NANS: variants seen among roughly 807,000 people sequenced by gnomAD.
The protein encoded by NANS is N-acetylneuraminate-9-phosphate synthase.
Under a neutral mutation model 33.3 loss-of-function variants are expected in NANS, and 29 were observed. The observed-to-expected ratio is 0.87, with a 90% CI of 0.65 to 1.19. NANS has a LOEUF of 1.19. Ranked by LOEUF, NANS falls within the 50% of genes most tolerant of loss-of-function variation. The probability of loss-of-function intolerance (pLI) is 0.00; values close to 1 mark genes in which losing one functional copy is unlikely to be tolerated. For synonymous variants in NANS, 163 were observed against 177.2 expected (o/e 0.92, Z 0.64); for missense variants, 394 against 461.1 (o/e 0.85, Z 1.33).
At position 98,077,009 on chromosome 9, in the gene NANS, C is replaced by G. The variant is rs771001954; in HGVS notation, c.440C>G (p.Ala147Gly). Residue 147 changes from alanine (A) to glycine (G), a missense_variant, in exon 3 of 6, where the codon GCC becomes GGC. Ala to Gly is a moderately conservative substitution (Grantham distance 60, BLOSUM62 0). Transcript: ENST00000210444. ...TNNFPYLEKT[A>G]KKGRPMVISS... ...AATTTTCCTTATCTGGAAAAGACAG[C>G]CAAAAAAGGTAAGTGTCTAATTTTT... 7 of 1,600,234 alleles carry G rather than the reference C, an allele frequency of 4.4e-6. No homozygotes were observed. The highest frequency in any genetic ancestry group is 5.1e-6 in the Non-Finnish European group (6 of 1,173,836).
chr9:98,073,237 T>C (rs1031889310), intron 2 of NANS, among the ~76,000 whole-genome samples: 1 of 142,342 alleles, frequency 7.0e-6, no homozygotes, highest in African/African-American at 2.6e-5. Flanking sequence ...ACCCTTCCCC[T>C]GACTCCCTGT....
At position 98,060,722 on chromosome 9, in the gene NANS, T is replaced by C; in HGVS notation, c.133-60T>C. 5.9e-6 allele frequency: 9 copies of C among 1,514,188 alleles called. 2 individuals carry two copies. The South Asian group carries it at 1.0e-4, about 17-fold the overall frequency. The allele number at this position is 1,514,188 out of a possible 1,614,324, so 93.8% of individuals were successfully genotyped here. A position where few individuals can be genotyped will look rare whatever the true frequency, so the allele number is the denominator to read the frequency against. On this transcript the variant is annotated intron_variant, in intron 1 of 5. Transcript: ENST00000210444. ...GATGTCATAGTGGTTGCTCCAGAAT[T>C]TTTTCCTTTTTTTGAGAATCTACGA...
intron 5 of NANS, among the ~76,000 whole-genome samples, chr9:98,082,447 A>C (rs1188364252): frequency 1.3e-5 from 2 of 152,204 alleles, no homozygotes; most frequent in Non-Finnish European, 2.9e-5. Flanking sequence ...CAAAAGAATC[A>C]GAGTTTGCAT....
In NANS at chr9:98,082,909, C is replaced by T. The variant is rs774880374; in HGVS notation, c.934C>T (p.Leu312Phe). Residue 312 changes from leucine (L) to phenylalanine (F), a missense_variant, in exon 6 of 6, where the codon CTC becomes TTC. Coordinates refer to ENST00000210444, the MANE Select transcript of NANS (RefSeq NM_018946.4). ...AGGCACCATTCTAACAATGGACATG[C>T]TCACCGTGAAGGTGGGTGAGCCCAA... ...PEGTILTMDM[L>F]TVKVGEPKGY... 4 of 1,614,180 alleles carry T rather than the reference C, an allele frequency of 2.5e-6. No homozygotes were observed. In the Admixed American group the frequency reaches 5.0e-5, roughly 20 times the overall value.
At chr9:98,071,831 T>G (rs1381566098) in intron 2 of NANS, among the ~76,000 whole-genome samples, 1 of 152,186 alleles carries the variant, frequency 6.6e-6, no homozygotes, top group African/African-American at 2.4e-5. Flanking sequence ...TCCGTCCACG[T>G]TTCCTGGAAA....
intron 4 of NANS, among the ~76,000 whole-genome samples, chr9:98,079,200 G>A (rs765443305): frequency 1.3e-5 from 2 of 152,184 alleles, no homozygotes; most frequent in Non-Finnish European, 2.9e-5. Flanking sequence ...TAGAACCTGG[G>A]CATGTCCCCC....
chr9:98,076,945 A>G lies in NANS; in HGVS notation c.376A>G (p.Asn126Asp). The change falls in exon 3 of 6, where the codon AAT (asparagine) becomes GAT (aspartate). Residue 126 changes from asparagine (N) to aspartate (D), a missense_variant. Transcript: ENST00000210444. ...EMAVEFLHEL[N>D]VPFFKVGSGD... is the part of the protein sequence containing the mutation. ...GGCAGTTGAATTCCTGCATGAACTG[A>G]ATGTTCCATTTTTCAAAGTTGGATC... The G allele has an allele frequency of 6.2e-7, 1 of 1,612,344 alleles. No individual in the cohort carries two copies. Among genetic ancestry groups the G allele is most frequent in the Non-Finnish European group, 8.5e-7 (1 of 1,179,512 alleles).
Position 98,078,310 on chromosome 9 carries a change from C to T in NANS, c.566C>T (p.Pro189Leu), listed in dbSNP as rs1024025721. 7 of 1,613,842 alleles carry T rather than the reference C, an allele frequency of 4.3e-6. No homozygotes were observed. The highest frequency in any genetic ancestry group is 2.2e-5 in the East Asian group (1 of 44,878). Residue 189 changes from proline (P) to leucine (L), a missense_variant, in exon 4 of 6, where the codon CCG becomes CTG. Physicochemically the swap from Pro to Leu is moderately conservative, Grantham distance 98. Transcript: ENST00000210444. Reference protein sequence around the residue: ...FCFLQCTSAYPLQPEDVNLRV... With the variant: ...FCFLQCTSAYLLQPEDVNLRV... ...TTCTTGCAGTGTACCAGCGCATACC[C>T]GCTCCAGCCTGAGGACGTCAACCTG... is the stretch of plus-strand genomic sequence containing the variant.
At chr9:98,071,988 C>T (rs1405566096) in intron 2 of NANS, among the ~76,000 whole-genome samples, 1 of 152,186 alleles carries the variant, frequency 6.6e-6, no homozygotes, top group African/African-American at 2.4e-5. Context: ...AGGGAGGAGT[C>T]TGGTGTTTGC....
At chr9:98,072,725 A>C (rs1372558405) in intron 2 of NANS, among the ~76,000 whole-genome samples, 2 of 152,136 alleles carry the variant, frequency 1.3e-5, no homozygotes, top group Non-Finnish European at 1.5e-5. Context: ...TGCATTCTTT[A>C]AGAGCCTTTA....
Position 98,068,727 on chromosome 9 carries a change from G to A in NANS, c.348+7730G>A, listed in dbSNP as rs369372907. ...GCTTGGGAGGCTGAGGCAGGAAGGC[G>A]GGAGGCTTCCTTGAACCCAGGAGCT... On this transcript the variant is annotated intron_variant, in intron 2 of 5. Coordinates refer to ENST00000210444, the MANE Select transcript of NANS (RefSeq NM_018946.4). 1.4e-4 allele frequency among the ~76,000 whole-genome samples: 21 copies of A among 151,754 alleles called. 1 individual carries two copies. The highest frequency in any genetic ancestry group is 6.3e-4 in the South Asian group (3 of 4,796).
At chr9:98,080,707 G>A in intron 4 of NANS, 109 bp from the exon 5 acceptor site, 2 of 1,262,098 alleles carry the variant, frequency 1.6e-6, no homozygotes, top group South Asian at 1.5e-5. Context: ...GCCCCTGGCT[G>A]CACAGCTAGT....
At chr9:98,067,049 A>G (rs1222937523) in intron 2 of NANS, among the ~76,000 whole-genome samples, 1 of 152,038 alleles carries the variant, frequency 6.6e-6, no homozygotes, top group East Asian at 1.9e-4. Flanking sequence ...TTCATATAAC[A>G]TTGTGTTTTC....
At chr9:98,065,536 A>C (rs533014950) in intron 2 of NANS, among the ~76,000 whole-genome samples, 1 of 114,246 alleles carries the variant, frequency 8.8e-6, no homozygotes, top group Non-Finnish European at 1.6e-5. Flanking sequence ...ACGGGGTTTC[A>C]CCATGTTGGC....
chr9:98,061,226 C>T (rs980021543), intron 2 of NANS: 12 of 511,474 alleles, frequency 2.3e-5, no homozygotes, highest in South Asian at 2.0e-4. Flanking sequence ...CCTGTAATCC[C>T]GGCACTTTGG....
intron 2 of NANS, among the ~76,000 whole-genome samples, chr9:98,069,967 G>A (rs375862618): frequency 2.0e-3 from 297 of 152,276 alleles, no homozygotes; most frequent in African/African-American, 6.9e-3. Context: ...CCCAGTTGTG[G>A]TATTGTACTA....
Position 98,060,768 on chromosome 9 carries a change from A to G in NANS, c.133-14A>G, listed in dbSNP as rs745752691. 2.5e-6 allele frequency: 4 copies of G among 1,612,832 alleles called. No individual in the cohort carries two copies. Among genetic ancestry groups the G allele is most frequent in the East Asian group, 4.5e-5 (2 of 44,878 alleles). On this transcript the variant is annotated splice_polypyrimidine_tract_variant and intron_variant, in intron 1 of 5. Coordinates refer to ENST00000210444, the MANE Select transcript of NANS (RefSeq NM_018946.4). ...TACGACAGTCACTGAAAGATGTCCT[A>G]ATGTGTGTTGTAGGAGTGTGGGGCT...
chr9:98,060,703 A>T, intron 1 of NANS, 79 bp from the exon 2 acceptor site: 1 of 1,263,434 alleles, frequency 7.9e-7, no homozygotes, highest in Non-Finnish European at 1.2e-6. Flanking sequence ...TGGTGATGTC[A>T]TAGTGGTTGC....
rs571298477 is a variant in NANS at position 98,065,770 on chromosome 9, C to G, written c.348+4773C>G. ...GGGACCCAAAGGGAGGTAGTTGAATCATGGGGGCTGGTCTTTCCCGTGCTA... is the reference window on the plus strand; with the variant it reads ...GGGACCCAAAGGGAGGTAGTTGAATGATGGGGGCTGGTCTTTCCCGTGCTA... On this transcript the variant is annotated intron_variant, in intron 2 of 5. Transcript: ENST00000210444. Among the ~76,000 whole-genome samples the G allele has an allele frequency of 3.3e-5, 5 of 151,960 alleles. 1 individual carries two copies. The South Asian group carries it at 1.0e-3, about 32-fold the overall frequency.
Sources: allele counts gnomAD v4.1 joint callset (sites outside exome capture counted in the v4.1 genomes callset), GRCh38; gene constraint gnomAD v4.1.1; transcripts MANE v1.5; gene names NCBI Gene and HGNC (gene_info 2026-07-23, HGNC 2026-07-21).